INSIG2: variants seen among roughly 807,000 people sequenced by gnomAD.
The protein encoded by INSIG2 is insulin-induced gene 2 protein.
In INSIG2, 10 loss-of-function variants were observed where a neutral mutation model predicts 27.2. The observed-to-expected ratio is 0.37, with a 90% CI of 0.23 to 0.62. The LOEUF (loss-of-function observed/expected upper bound fraction) is 0.62. Ranked by LOEUF, INSIG2 falls within the 20% of genes least tolerant of loss-of-function variation. INSIG2 has a pLI of 0.65. For synonymous variants in INSIG2, 97 were observed against 95.8 expected (o/e 1.01, Z -0.07); for missense variants, 178 against 270.2 (o/e 0.66, Z 2.39).
chr2:118,097,877 G>A (rs907592003), intron 2 of INSIG2, among the ~76,000 whole-genome samples: 1 of 152,198 alleles, frequency 6.6e-6, no homozygotes, highest in Non-Finnish European at 1.5e-5. Flanking sequence ...GGAAGTGTTA[G>A]AATGGCCTTG....
chr2:118,103,311 A>G lies in INSIG2; in HGVS notation c.359A>G (p.His120Arg). The G allele has an allele frequency of 1.2e-6, 2 of 1,612,576 alleles. No individual in the cohort carries two copies. Among genetic ancestry groups the G allele is most frequent in the Non-Finnish European group, 1.7e-6 (2 of 1,179,060 alleles). The change falls in exon 3 of 6, where the codon CAT becomes CGT. Residue 120 changes from histidine (H) to arginine (R), a missense_variant. Physicochemically the swap from His to Arg is conservative, Grantham distance 29. Transcript: ENST00000245787. ...GTAGCAGTCTTTGTTGGTATAAATC[A>G]TGCCAGTGCTGTATCCTTTACTCTG... ...RCVAVFVGIN[H>R]ASAKVDFDNN...
At chr2:118,090,319 G>C (rs12613329) in intron 1 of INSIG2, among the ~76,000 whole-genome samples, 21,371 of 152,148 alleles carry the variant, frequency 0.14, 1,836 homozygotes, top group East Asian at 0.33. Flanking sequence ...GGGTGTTGCA[G>C]TTGTTACAAT....
rs1678728906 is a variant in INSIG2 at position 118,108,405 on chromosome 2, G to A, written c.*83G>A. ...AGATATACCAACAAAACTTCAGACTGTAAAATTGCCAGGATGCAGTTTTCC... is the reference window on the plus strand; with the variant it reads ...AGATATACCAACAAAACTTCAGACTATAAAATTGCCAGGATGCAGTTTTCC... On this transcript the variant is annotated 3_prime_UTR_variant, in exon 6 of 6. Transcript: ENST00000245787. 3 of 1,055,890 alleles carry A rather than the reference G, an allele frequency of 2.8e-6. No individual in the cohort carries two copies. Among genetic ancestry groups the A allele is most frequent in the Non-Finnish European group, 4.3e-6 (3 of 699,148 alleles). The allele number at this position is 1,055,890 out of a possible 1,614,324, so 65.4% of individuals were successfully genotyped here.
intron 1 of INSIG2, among the ~76,000 whole-genome samples, chr2:118,093,497 AGAT>A (rs528407055): frequency 0.053 from 32 of 608 alleles, 1 homozygote; most frequent in Non-Finnish European, 0.083. Flanking sequence ...AAAAGCAACC[AGAT>A]GATGATGATG....
At chr2:118,092,633 A>G (rs1678281919) in intron 1 of INSIG2, among the ~76,000 whole-genome samples, 2 of 152,178 alleles carry the variant, frequency 1.3e-5, no homozygotes, top group Admixed American at 6.5e-5. Context: ...CAGTTTTGAT[A>G]CTGCATGTCA....
chr2:118,101,972 G>C (rs1237510962), intron 2 of INSIG2, among the ~76,000 whole-genome samples: 2 of 152,172 alleles, frequency 1.3e-5, no homozygotes, highest in Non-Finnish European at 2.9e-5. Flanking sequence ...CCATTGGTCT[G>C]CTAGGCTGTG....
chr2:118,094,731 A>G (rs1558833209), intron 1 of INSIG2, among the ~76,000 whole-genome samples: 1 of 152,190 alleles, frequency 6.6e-6, no homozygotes, highest in Non-Finnish European at 1.5e-5. Flanking sequence ...ATCACATGGA[A>G]CTGACAGGTT....
chr2:118,091,850 T>C (rs1265975590), intron 1 of INSIG2, among the ~76,000 whole-genome samples: 3 of 152,162 alleles, frequency 2.0e-5, no homozygotes, highest in African/African-American at 4.8e-5. Context: ...TGTCTTGAAA[T>C]AGAATGAAGT....
chr2:118,107,909 C>G (rs1369019678), intron 5 of INSIG2, among the ~76,000 whole-genome samples: 4 of 152,122 alleles, frequency 2.6e-5, no homozygotes, highest in Non-Finnish European at 4.4e-5. Flanking sequence ...ACAGCCCTAT[C>G]CTTAAGTTCA....
chr2:118,093,389 A>G lies in INSIG2; in HGVS notation c.-138-3030A>G, dbSNP rs1183963235. Among the ~76,000 whole-genome samples, 2 of 2,372 alleles carry G rather than the reference A, an allele frequency of 8.4e-4. 1 individual carries two copies. Among genetic ancestry groups the G allele is most frequent in the Non-Finnish European group, 5.1e-3 (2 of 390 alleles). The allele number at this position is 2,372 out of a possible 152,430, so 1.6% of individuals were successfully genotyped here. ...GATGATGATGATGATGATGATGATGATGAAGGAGAGTTCTGTAGCTACTGA... is the reference window on the plus strand; with the variant it reads ...GATGATGATGATGATGATGATGATGGTGAAGGAGAGTTCTGTAGCTACTGA... On this transcript the variant is annotated intron_variant, in intron 1 of 5. Coordinates refer to ENST00000245787, the MANE Select transcript of INSIG2 (RefSeq NM_016133.4).
At chr2:118,090,850 A>T (rs1394640504) in intron 1 of INSIG2, among the ~76,000 whole-genome samples, 1 of 152,220 alleles carries the variant, frequency 6.6e-6, no homozygotes, top group African/African-American at 2.4e-5. Flanking sequence ...GCTACCTGGT[A>T]ACAGTTCTGT....
chr2:118,102,718 T>A (rs1678576520), intron 2 of INSIG2: 1 of 157,796 alleles, frequency 6.3e-6, no homozygotes, highest in African/African-American at 2.4e-5. Context: ...ATTGTGTGTA[T>A]GATGAGCTTG....
At chr2:118,104,079 A>G (rs1439850584) in intron 3 of INSIG2, among the ~76,000 whole-genome samples, 1 of 152,136 alleles carries the variant, frequency 6.6e-6, no homozygotes, top group Non-Finnish European at 1.5e-5. Flanking sequence ...TAGAAGAGGA[A>G]CTAGGAAATG....
chr2:118,098,592 G>C (rs776418776), intron 2 of INSIG2, among the ~76,000 whole-genome samples: 1 of 152,176 alleles, frequency 6.6e-6, no homozygotes, highest in African/African-American at 2.4e-5. Flanking sequence ...ATTCCCTGGC[G>C]TGTGTTGTGC....
chr2:118,088,807 GTGTC>G (rs1318471617), intron 1 of INSIG2: 1 of 153,748 alleles, frequency 6.5e-6, no homozygotes, highest in Non-Finnish European at 1.4e-5. Flanking sequence ...CAGTGGATGA[GTGTC>G]TGAGCGGGAA....
intron 1 of INSIG2, among the ~76,000 whole-genome samples, chr2:118,094,509 G>T (rs1678362902): frequency 6.6e-6 from 1 of 152,170 alleles, no homozygotes; most frequent in African/African-American, 2.4e-5. Context: ...ATGTTTCAGG[G>T]CATTTTCAGT....
chr2:118,098,823 T>TA (rs1168975342), intron 2 of INSIG2, among the ~76,000 whole-genome samples: 1 of 152,236 alleles, frequency 6.6e-6, no homozygotes, highest in Non-Finnish European at 1.5e-5. Context: ...CTTACAAACT[T>TA]AACCTCATTT....
At chr2:118,091,578 C>CT (rs1678232602) in intron 1 of INSIG2, among the ~76,000 whole-genome samples, 1 of 152,102 alleles carries the variant, frequency 6.6e-6, no homozygotes, top group South Asian at 2.1e-4. Context: ...GCATGGGGGT[C>CT]TCATACCCCT....
At chr2:118,098,305 T>C (rs1167574425) in intron 2 of INSIG2, among the ~76,000 whole-genome samples, 1 of 152,180 alleles carries the variant, frequency 6.6e-6, no homozygotes, top group African/African-American at 2.4e-5. Context: ...GTTTATTGAA[T>C]GTCTGCTAAT....
Sources: allele counts gnomAD v4.1 joint callset (sites outside exome capture counted in the v4.1 genomes callset), GRCh38; gene constraint gnomAD v4.1.1; transcripts MANE v1.5; gene names NCBI Gene and HGNC (gene_info 2026-07-23, HGNC 2026-07-21).